The following CSNK1G3 variants were observed in gnomAD, a reference collection of about 807,000 sequenced individuals.
CSNK1G3 encodes casein kinase 1 gamma 3, also known as casein kinase I isoform gamma-3.
CSNK1G3 carries 23 observed loss-of-function variants against 64.3 expected under a neutral mutation model. The observed-to-expected ratio is 0.36, with a 90% CI of 0.26 to 0.51. CSNK1G3 has a LOEUF of 0.51. Ranked by LOEUF, CSNK1G3 falls within the 20% of genes least tolerant of loss-of-function variation. The probability of loss-of-function intolerance (pLI) is 0.96; values close to 1 mark genes in which losing one functional copy is unlikely to be tolerated. For synonymous variants in CSNK1G3, 158 were observed against 162.2 expected (o/e 0.97, Z 0.20); for missense variants, 357 against 510.5 (o/e 0.70, Z 2.90).
intron 4 of CSNK1G3, among the ~76,000 whole-genome samples, chr5:123,562,508 G>A (rs1184586461): frequency 6.6e-6 from 1 of 151,856 alleles, no homozygotes; most frequent in Non-Finnish European, 1.5e-5. Flanking sequence ...ATGTGAAGTT[G>A]GGATGTATAA....
At chr5:123,516,202 TAG>T in intron 1 of CSNK1G3, among the ~76,000 whole-genome samples, 1 of 152,164 alleles carries the variant, frequency 6.6e-6, no homozygotes, top group Non-Finnish European at 1.5e-5. Flanking sequence ...TGGGATCCTG[TAG>T]GTGCAGACAG....
intron 3 of CSNK1G3, among the ~76,000 whole-genome samples, chr5:123,556,634 T>C (rs943163598): frequency 3.3e-5 from 5 of 152,076 alleles, no homozygotes; most frequent in African/African-American, 9.7e-5. Flanking sequence ...AAATTTTCTA[T>C]TACCTTGTTA....
chr5:123,591,137 A>G (rs1335188659), intron 9 of CSNK1G3, among the ~76,000 whole-genome samples, 182 bp from the exon 10 acceptor site: 1 of 152,078 alleles, frequency 6.6e-6, no homozygotes, highest in Non-Finnish European at 1.5e-5. Flanking sequence ...AAAAGTAGGT[A>G]TATTCTTTTT....
intron 6 of CSNK1G3, among the ~76,000 whole-genome samples, chr5:123,577,363 A>G (rs935568333): frequency 2.0e-5 from 3 of 152,214 alleles, no homozygotes; most frequent in African/African-American, 7.2e-5. Context: ...TTGTGCATAT[A>G]TGTATATACA....
chr5:123,595,614 T>C (rs1006492235), intron 10 of CSNK1G3, among the ~76,000 whole-genome samples: 6 of 152,118 alleles, frequency 3.9e-5, no homozygotes, highest in Admixed American at 2.0e-4. Flanking sequence ...CTAATTTTTA[T>C]AATACATGTT....
chr5:123,575,295 T>G (rs774349617), intron 5 of CSNK1G3, among the ~76,000 whole-genome samples: 16 of 152,232 alleles, frequency 1.1e-4, no homozygotes, highest in Non-Finnish European at 1.9e-4. Context: ...ACTTAATAGT[T>G]TAGACTCTTA....
chr5:123,577,531 A>C (rs934392751), intron 6 of CSNK1G3, among the ~76,000 whole-genome samples: 10 of 147,906 alleles, frequency 6.8e-5, no homozygotes, highest in African/African-American at 2.5e-4. Flanking sequence ...TTGTAATTCC[A>C]TCCCTTTTCC....
At chr5:123,588,253 TG>T in intron 7 of CSNK1G3, 100 bp downstream of exon 7, 1 of 1,108,426 alleles carries the variant, frequency 9.0e-7, no homozygotes, top group East Asian at 2.5e-5. Flanking sequence ...AATTTTATTT[TG>T]TAAGTAGGCA....
intron 1 of CSNK1G3, among the ~76,000 whole-genome samples, chr5:123,539,515 T>G (rs945683967): frequency 1.3e-5 from 2 of 152,118 alleles, no homozygotes; most frequent in African/African-American, 4.8e-5. Flanking sequence ...TTTCAAATGT[T>G]AAGTCAGTGG....
At chr5:123,521,466 T>C (rs929587390) in intron 1 of CSNK1G3, among the ~76,000 whole-genome samples, 8 of 152,172 alleles carry the variant, frequency 5.3e-5, no homozygotes, top group Non-Finnish European at 8.8e-5. Flanking sequence ...TTTTCTGATA[T>C]CTATTGAAAG....
At chr5:123,555,490 A>G (rs1784458595) in intron 3 of CSNK1G3, among the ~76,000 whole-genome samples, 2 of 152,208 alleles carry the variant, frequency 1.3e-5, no homozygotes, top group Admixed American at 1.3e-4. Context: ...CTCGGTACAA[A>G]TAAAGGCATT....
intron 4 of CSNK1G3, among the ~76,000 whole-genome samples, chr5:123,562,102 T>G (rs1161619951): frequency 6.6e-6 from 1 of 152,124 alleles, no homozygotes; most frequent in East Asian, 1.9e-4. Flanking sequence ...CTACACTTAC[T>G]ATTCCTTGAG....
At chr5:123,615,348 GA>G (rs1309480224) in exon 13 of CSNK1G3, 1 of 152,458 alleles carries the variant, frequency 6.6e-6, no homozygotes, top group Non-Finnish European at 1.5e-5. Context: ...CCCTTAAGCA[GA>G]AAACTTTGGA....
At chr5:123,603,816 A>G (rs1202360470) in intron 10 of CSNK1G3, among the ~76,000 whole-genome samples, 3 of 152,156 alleles carry the variant, frequency 2.0e-5, no homozygotes, top group African/African-American at 7.2e-5. Flanking sequence ...TGAGCTTCAG[A>G]GAAGATGGTG....
chr5:123,557,835 T>C lies in CSNK1G3; in HGVS notation c.289+271T>C, dbSNP rs571919331. ...ACTTCTTCCATATTCTTAGTCTTTT[T>C]GGAGGCACTATTATAGCTGTTGAAG... is the stretch of plus-strand genomic sequence containing the variant. On this transcript the variant is annotated intron_variant, in intron 4 of 12. Coordinates refer to ENST00000345990, the Ensembl canonical transcript of CSNK1G3. Among the ~76,000 whole-genome samples, 11 of 152,316 alleles carry C rather than the reference T, an allele frequency of 7.2e-5. No individual in the cohort carries two copies. In the South Asian group the frequency reaches 1.0e-3, roughly 14 times the overall value.
At chr5:123,583,659 C>T (rs573239403) in intron 6 of CSNK1G3, among the ~76,000 whole-genome samples, 19 of 151,822 alleles carry the variant, frequency 1.3e-4, no homozygotes, top group Non-Finnish European at 2.4e-4. Flanking sequence ...CCACCGCGCC[C>T]GGCCCAGAAA....
intron 12 of CSNK1G3, among the ~76,000 whole-genome samples, chr5:123,607,614 T>C (rs1795580087): frequency 6.6e-6 from 1 of 152,174 alleles, no homozygotes; most frequent in African/African-American, 2.4e-5. Context: ...GGGATTTCTT[T>C]ATGGAGTGAT....
At chr5:123,609,203 C>A (rs760557022) in intron 12 of CSNK1G3, among the ~76,000 whole-genome samples, 1 of 152,126 alleles carries the variant, frequency 6.6e-6, no homozygotes, top group Non-Finnish European at 1.5e-5. Context: ...TCTTTCTCAG[C>A]ACAAGAAAGG....
chr5:123,604,243 A>G (rs1794968463), intron 10 of CSNK1G3, among the ~76,000 whole-genome samples: 2 of 152,122 alleles, frequency 1.3e-5, no homozygotes, highest in Non-Finnish European at 2.9e-5. Context: ...GGGTGAATGA[A>G]TGGTGTTGTC....
Sources: allele counts gnomAD v4.1 joint callset (sites outside exome capture counted in the v4.1 genomes callset), GRCh38; gene constraint gnomAD v4.1.1; transcripts MANE v1.5; gene names NCBI Gene and HGNC (gene_info 2026-07-23, HGNC 2026-07-21).